CDC73: variants seen among roughly 807,000 people sequenced by gnomAD.
CDC73 encodes the protein cell division cycle 73.
In CDC73, 21 loss-of-function variants were observed where a neutral mutation model predicts 83.7. The ratio of observed to expected loss-of-function variants is 0.25; its 90% CI spans 0.18 to 0.36. The LOEUF (loss-of-function observed/expected upper bound fraction) is 0.36, where lower values mean the gene tolerates loss of function less well. CDC73 is among the 10% of genes least tolerant of loss of function. The probability of loss-of-function intolerance (pLI) is 1.00; values close to 1 mark genes in which losing one functional copy is unlikely to be tolerated. For synonymous variants in CDC73, 224 were observed against 212.9 expected, an observed-to-expected ratio of 1.05 and a Z score of -0.45; for missense variants, 342 against 653.3, an observed-to-expected ratio of 0.52 and a Z score of 5.19.
chr1:193,248,002 C>G lies in CDC73; in HGVS notation c.1418-1728C>G, dbSNP rs1486599179. 2.0e-5 allele frequency among the ~76,000 whole-genome samples: 3 copies of G among 152,120 alleles called. No individual in the cohort carries two copies. The East Asian group carries it at 5.8e-4, about 29-fold the overall frequency. Reference sequence around the variant, plus strand: ...TGATGAAGTTGACTACACTAAACAACACATTTTCATCGTAGATGAAACAGC... The same window carrying G: ...TGATGAAGTTGACTACACTAAACAAGACATTTTCATCGTAGATGAAACAGC... On this transcript the variant is annotated intron_variant, in intron 15 of 16. Coordinates refer to ENST00000367435, the MANE Select transcript of CDC73 (RefSeq NM_024529.5).
intron 13 of CDC73, among the ~76,000 whole-genome samples, chr1:193,232,525 A>G (rs566424267): frequency 6.6e-6 from 1 of 152,368 alleles, no homozygotes; most frequent in South Asian, 2.1e-4. Context: ...TACAGAGGAA[A>G]GACCTATACA....
intron 3 of CDC73, among the ~76,000 whole-genome samples, chr1:193,135,027 C>T (rs1005309302): frequency 7.1e-6 from 1 of 140,870 alleles, no homozygotes; most frequent in African/African-American, 2.4e-5. Context: ...TAAAAAAAAT[C>T]TTGTCCATAT....
At chr1:193,207,164 A>G (rs971358531) in intron 11 of CDC73, among the ~76,000 whole-genome samples, 7 of 152,220 alleles carry the variant, frequency 4.6e-5, no homozygotes, top group African/African-American at 1.7e-4. Context: ...CCACAAAGCC[A>G]GCAAGTTTTT....
intron 2 of CDC73, among the ~76,000 whole-genome samples, chr1:193,126,054 A>C (rs1051287267): frequency 6.6e-6 from 1 of 152,202 alleles, no homozygotes; most frequent in African/African-American, 2.4e-5. Context: ...TGAGCCTAGG[A>C]GATCAAGACC....
intron 10 of CDC73, among the ~76,000 whole-genome samples, chr1:193,166,723 C>T (rs1223612697): frequency 6.6e-6 from 1 of 151,314 alleles, no homozygotes; most frequent in Non-Finnish European, 1.5e-5. Flanking sequence ...CTTGGCTCAC[C>T]ACAACCTCTG....
intron 10 of CDC73, among the ~76,000 whole-genome samples, chr1:193,176,010 C>G (rs772559887): frequency 6.6e-6 from 1 of 151,146 alleles, no homozygotes; most frequent in African/African-American, 2.4e-5. Flanking sequence ...ATTTTTTTTT[C>G]ATTAACCTTT....
chr1:193,130,776 T>C (rs1326669184), intron 3 of CDC73, among the ~76,000 whole-genome samples: 1 of 152,224 alleles, frequency 6.6e-6, no homozygotes, highest in East Asian at 1.9e-4. Context: ...GATTTAAGGA[T>C]TGCTACATCC....
intron 10 of CDC73, among the ~76,000 whole-genome samples, chr1:193,200,776 C>T (rs1210291899): frequency 1.6e-4 from 23 of 148,312 alleles, no homozygotes; most frequent in Non-Finnish European, 2.8e-4. Context: ...TGTGTGTGTG[C>T]GCGCGTGCGT....
intron 13 of CDC73, 120 bp downstream of exon 13, chr1:193,212,597 C>T: frequency 3.4e-6 from 2 of 588,302 alleles, no homozygotes; most frequent in Admixed American, 2.6e-5. Context: ...GTGCTATAGG[C>T]CTTACACATA....
chr1:193,226,421 C>G (rs904672065), intron 13 of CDC73, among the ~76,000 whole-genome samples: 2 of 152,112 alleles, frequency 1.3e-5, no homozygotes, highest in African/African-American at 4.8e-5. Flanking sequence ...ACGCTTTAAA[C>G]TTTTCCCCAT....
chr1:193,125,088 A>C (rs763967436), intron 1 of CDC73, 24 bp from the exon 2 acceptor site: 2 of 1,224,604 alleles, frequency 1.6e-6, no homozygotes, highest in Non-Finnish European at 2.4e-6. Flanking sequence ...GTCAGTAAAA[A>C]AAATCTTGCC....
intron 10 of CDC73, among the ~76,000 whole-genome samples, chr1:193,156,709 C>T (rs187888709): frequency 2.9e-4 from 44 of 152,086 alleles, no homozygotes; most frequent in African/African-American, 8.4e-4. Flanking sequence ...TGAAGTGTTA[C>T]GGGAGTGCTA....
At chr1:193,216,945 A>AATGAGAGCC (rs1677378039) in intron 13 of CDC73, among the ~76,000 whole-genome samples, 2 of 152,134 alleles carry the variant, frequency 1.3e-5, no homozygotes, top group African/African-American at 4.8e-5. Flanking sequence ...ACCTCAAACT[A>AATGAGAGCC]ATGAGAGCCG....
intron 10 of CDC73, among the ~76,000 whole-genome samples, chr1:193,197,737 C>A (rs1254455643): frequency 6.6e-6 from 1 of 151,746 alleles, no homozygotes; most frequent in Non-Finnish European, 1.5e-5. Context: ...ACCAGCCCGG[C>A]CAACATGGTG....
intron 7 of CDC73, among the ~76,000 whole-genome samples, chr1:193,147,287 C>T (rs12143573): frequency 0.04 from 6,023 of 151,996 alleles, 116 homozygotes; most frequent in Middle Eastern, 0.048. Flanking sequence ...CCACCGTGCC[C>T]GGCCTTATTT....
intron 3 of CDC73, among the ~76,000 whole-genome samples, chr1:193,133,480 G>A (rs1027094731): frequency 6.6e-6 from 1 of 152,136 alleles, no homozygotes; most frequent in African/African-American, 2.4e-5. Context: ...TTGAGAAAAG[G>A]CTAGTCATTC....
intron 10 of CDC73, among the ~76,000 whole-genome samples, chr1:193,158,441 A>T (rs1441672868): frequency 1.3e-5 from 2 of 151,916 alleles, no homozygotes; most frequent in Non-Finnish European, 2.9e-5. Flanking sequence ...GCAGGAGGGT[A>T]GCTTGAGGCC....
intron 10 of CDC73, among the ~76,000 whole-genome samples, chr1:193,201,409 C>T (rs1020704295): frequency 1.3e-5 from 2 of 152,182 alleles, no homozygotes; most frequent in East Asian, 3.9e-4. Flanking sequence ...TTCTCTCTTT[C>T]TGCCAATGCA....
At chr1:193,163,087 A>G (rs1023763110) in intron 10 of CDC73, among the ~76,000 whole-genome samples, 1 of 152,092 alleles carries the variant, frequency 6.6e-6, no homozygotes, top group African/African-American at 2.4e-5. Context: ...GTGACAGAAT[A>G]ATTACCAATT....
Sources: allele counts gnomAD v4.1 joint callset (sites outside exome capture counted in the v4.1 genomes callset), GRCh38; gene constraint gnomAD v4.1.1; transcripts MANE v1.5; gene names NCBI Gene and HGNC (gene_info 2026-07-23, HGNC 2026-07-21).